The following PTPRO variants were observed in gnomAD, a reference collection of about 807,000 sequenced individuals.
The protein encoded by PTPRO is protein tyrosine phosphatase receptor type O, also known as receptor-type tyrosine-protein phosphatase O.
A neutral mutation model predicts 145.2 loss-of-function variants in PTPRO; 62 were observed. The observed-to-expected ratio is 0.43, with a 90% CI of 0.35 to 0.53. The LOEUF (loss-of-function observed/expected upper bound fraction) is 0.53. Among genes scored for constraint, PTPRO ranks in the 20% least tolerant of loss-of-function variants. The pLI, the probability that PTPRO is intolerant of heterozygous loss-of-function variation, is 0.01. For synonymous variants in PTPRO, 565 were observed against 514.7 expected, an observed-to-expected ratio of 1.10 and a Z score of -1.32; for missense variants, 1,345 against 1,482.7, an observed-to-expected ratio of 0.91 and a Z score of 1.53.
chr12:15,339,499 A>G (rs1866897717), intron 1 of PTPRO, among the ~76,000 whole-genome samples: 1 of 152,212 alleles, frequency 6.6e-6, no homozygotes, highest in Admixed American at 6.5e-5. Flanking sequence ...AATTGATTTT[A>G]TAATTCCAAA....
rs139131349 is a variant in PTPRO at position 15,433,571 on chromosome 12, A to G, written c.76-50403A>G. 4.2e-3 allele frequency among the ~76,000 whole-genome samples: 635 copies of G among 152,336 alleles called. 3 individuals carry two copies. The highest frequency in any genetic ancestry group is 7.3e-3 in the Non-Finnish European group (495 of 68,030). On this transcript the variant is annotated intron_variant, in intron 1 of 26. Transcript: ENST00000281171. The stretch of plus-strand genomic sequence containing the variant: ...AAAGGGTCCAGTTTCAATCTTCTGC[A>G]TATGGCTAGCCAGTTATTCCAACAC...
At chr12:15,405,011 A>G (rs1939607372) in intron 1 of PTPRO, among the ~76,000 whole-genome samples, 1 of 152,256 alleles carries the variant, frequency 6.6e-6, no homozygotes, top group South Asian at 2.1e-4. Context: ...CATCTCTCTC[A>G]TGTCTCTTCT....
At chr12:15,584,131 C>T (rs1944382282) in intron 23 of PTPRO, among the ~76,000 whole-genome samples, 1 of 152,190 alleles carries the variant, frequency 6.6e-6, no homozygotes, top group Non-Finnish European at 1.5e-5. Context: ...AGTTACAATT[C>T]TCGCTTCTTG....
chr12:15,579,292 C>T (rs1443987950), intron 20 of PTPRO, among the ~76,000 whole-genome samples: 7 of 151,988 alleles, frequency 4.6e-5, no homozygotes, highest in African/African-American at 7.3e-5. Context: ...AATGGGAAGG[C>T]GATGCAGTAT....
intron 1 of PTPRO, among the ~76,000 whole-genome samples, chr12:15,427,377 A>G (rs1940313233): frequency 6.6e-6 from 1 of 152,016 alleles, no homozygotes. Context: ...GAGATTGCAA[A>G]TTCCAATAAA....
rs376356032 is a variant in PTPRO at position 15,372,661 on chromosome 12, C to T, written c.75+49860C>T. On this transcript the variant is annotated intron_variant, in intron 1 of 26. Transcript: ENST00000281171. The stretch of plus-strand genomic sequence containing the variant: ...TTAACTGCCTGCAAGTGAAATACCA[C>T]GCAAGACATTGCCTATATTAGTAAA... Among the ~76,000 whole-genome samples, 702 of 152,256 alleles carry T rather than the reference C, an allele frequency of 4.6e-3. 3 individuals carry two copies. The highest frequency in any genetic ancestry group is 7.5e-3 in the Non-Finnish European group (511 of 68,028).
At chr12:15,447,340 T>C (rs1306895569) in intron 1 of PTPRO, among the ~76,000 whole-genome samples, 1 of 152,118 alleles carries the variant, frequency 6.6e-6, no homozygotes, top group Non-Finnish European at 1.5e-5. Context: ...AGCAGGTTCT[T>C]ATTGCTCAAT....
At chr12:15,439,022 T>A (rs1180965087) in intron 1 of PTPRO, among the ~76,000 whole-genome samples, 1 of 152,058 alleles carries the variant, frequency 6.6e-6, no homozygotes, top group African/African-American at 2.4e-5. Context: ...ATCTTAAAGA[T>A]CTGCTAGAGG....
At chr12:15,576,482 C>T (rs1003993035) in intron 19 of PTPRO, among the ~76,000 whole-genome samples, 1 of 152,302 alleles carries the variant, frequency 6.6e-6, no homozygotes, top group Non-Finnish European at 1.5e-5. Flanking sequence ...TGTGCTCAAA[C>T]GCTCAGCCTC....
At chr12:15,496,340 C>T (rs1217529142) in intron 2 of PTPRO, among the ~76,000 whole-genome samples, 1 of 151,842 alleles carries the variant, frequency 6.6e-6, no homozygotes, top group Admixed American at 6.6e-5. Context: ...CAGGGTTTCT[C>T]CATGTTGGTC....
chr12:15,394,079 C>CA (rs1237096673), intron 1 of PTPRO, among the ~76,000 whole-genome samples: 104 of 152,250 alleles, frequency 6.8e-4, no homozygotes, highest in Non-Finnish European at 1.9e-4. Flanking sequence ...CTAATACATT[C>CA]ATGAGGCCAG....
Position 15,580,813 on chromosome 12 carries a change from G to A in PTPRO, c.3114G>A (p.Gln1038=), listed in dbSNP as rs755991697. The part of the protein sequence containing the change: ...QKSQIIVMLT[Q]CNEKRRVKCD... ...CTCAGATTATTGTCATGCTCACTCAGTGTAATGAGAAAAGGAGGGTACGTA... is the reference window on the plus strand; with the variant it reads ...CTCAGATTATTGTCATGCTCACTCAATGTAATGAGAAAAGGAGGGTACGTA... The change falls in exon 22 of 27, where the codon CAG becomes CAA. Residue 1038 remains glutamine (Q), a synonymous_variant. Coordinates refer to ENST00000281171, the MANE Select transcript of PTPRO (RefSeq NM_030667.3). 32 of 1,613,966 alleles carry A rather than the reference G, an allele frequency of 2.0e-5. No individual in the cohort carries two copies. Among genetic ancestry groups the A allele is most frequent in the Non-Finnish European group, 2.5e-5 (30 of 1,179,882 alleles).
chr12:15,440,087 A>G (rs539792799), intron 1 of PTPRO: 2 of 633,002 alleles, frequency 3.2e-6, no homozygotes, highest in Non-Finnish European at 5.7e-6. Context: ...AGACCGCTGC[A>G]GCTCTGTGCT....
chr12:15,524,168 A>AC (rs935187111), intron 10 of PTPRO, among the ~76,000 whole-genome samples: 5 of 151,694 alleles, frequency 3.3e-5, no homozygotes, highest in African/African-American at 9.7e-5. Context: ...AAAAAAAAAA[A>AC]AAAAAAAAAC....
chr12:15,515,398 T>C, intron 7 of PTPRO, 100 bp from the exon 8 acceptor site: 3 of 1,487,792 alleles, frequency 2.0e-6, no homozygotes, highest in Non-Finnish European at 2.8e-6. Flanking sequence ...TTCAAAGTCA[T>C]CTGTGATTCC....
intron 1 of PTPRO, among the ~76,000 whole-genome samples, chr12:15,407,512 T>C (rs903348345): frequency 1.3e-5 from 2 of 152,200 alleles, no homozygotes; most frequent in Non-Finnish European, 2.9e-5. Context: ...GATGTATTTC[T>C]TCCTTCAGGT....
chr12:15,555,555 C>G (rs997651569), intron 15 of PTPRO, among the ~76,000 whole-genome samples: 2 of 152,128 alleles, frequency 1.3e-5, no homozygotes, highest in Non-Finnish European at 2.9e-5. Flanking sequence ...TAATACTCAA[C>G]TCATAGGAAG....
At chr12:15,348,353 G>T (rs1174895044) in intron 1 of PTPRO, 1 of 152,288 alleles carries the variant, frequency 6.6e-6, no homozygotes, top group Non-Finnish European at 1.5e-5. Context: ...TATGCAGGCA[G>T]TCTCTAGAAT....
chr12:15,515,820 A>G (rs1942564924), intron 8 of PTPRO, among the ~76,000 whole-genome samples: 1 of 152,120 alleles, frequency 6.6e-6, no homozygotes, highest in Admixed American at 6.6e-5. Context: ...GGAAAAAATC[A>G]GAGGCAAACA....
Sources: allele counts gnomAD v4.1 joint callset (sites outside exome capture counted in the v4.1 genomes callset), GRCh38; gene constraint gnomAD v4.1.1; transcripts MANE v1.5; gene names NCBI Gene and HGNC (gene_info 2026-07-23, HGNC 2026-07-21).